SLCO1C1: variants seen among roughly 807,000 people sequenced by gnomAD.
SLCO1C1 encodes solute carrier organic anion transporter family member 1C1.
A neutral mutation model predicts 76.4 loss-of-function variants in SLCO1C1; 70 were observed. The observed-to-expected ratio is 0.92, with a 90% CI of 0.76 to 1.12. The LOEUF (loss-of-function observed/expected upper bound fraction) is 1.12, where lower values mean the gene tolerates loss of function less well. Among genes scored for constraint, SLCO1C1 ranks in the 50% most tolerant of loss-of-function variants. The probability of loss-of-function intolerance (pLI) is 0.00; values close to 1 mark genes in which losing one functional copy is unlikely to be tolerated. For missense variants in SLCO1C1, 912 were observed against 823.8 expected (o/e 1.11, Z -1.31); for synonymous variants, 306 against 286.1 (o/e 1.07, Z -0.70).
At chr12:20,737,471 G>A (rs899230215) in intron 11 of SLCO1C1, among the ~76,000 whole-genome samples, 199 bp downstream of exon 11, 1 of 152,154 alleles carries the variant, frequency 6.6e-6, no homozygotes, top group Admixed American at 6.5e-5. Flanking sequence ...GTGAGAATTA[G>A]AGTCATCAAA....
In SLCO1C1 at chr12:20,730,456, A is replaced by G. The variant is rs1480352871; in HGVS notation, c.1187-2453A>G. Among the ~76,000 whole-genome samples, 10 of 152,308 alleles carry G rather than the reference A, an allele frequency of 6.6e-5. No homozygotes were observed. In the East Asian group the frequency reaches 1.7e-3, roughly 26 times the overall value. ...AAAAAATCAGAAAATTTAGGAAAAAATATTAACATTAATTAAGTTGGGTCC... is the reference window on the plus strand; with the variant it reads ...AAAAAATCAGAAAATTTAGGAAAAAGTATTAACATTAATTAAGTTGGGTCC... On this transcript the variant is annotated intron_variant, in intron 9 of 14. Transcript: ENST00000266509.
chr12:20,728,370 G>T (rs954014572), intron 9 of SLCO1C1, among the ~76,000 whole-genome samples: 2 of 151,976 alleles, frequency 1.3e-5, no homozygotes, highest in African/African-American at 4.8e-5. Context: ...TAAATATTAA[G>T]TTACATACAA....
intron 12 of SLCO1C1, 85 bp downstream of exon 12, chr12:20,740,453 A>G (rs778213855): frequency 8.1e-7 from 1 of 1,231,212 alleles, no homozygotes; most frequent in Non-Finnish European, 1.1e-6. Context: ...TGTGGAGTCT[A>G]TGATTCCTCT....
At chr12:20,712,446 T>A (rs796791898) in intron 5 of SLCO1C1, among the ~76,000 whole-genome samples, 25 of 152,276 alleles carry the variant, frequency 1.6e-4, no homozygotes, top group African/African-American at 5.5e-4. Flanking sequence ...CATGAATTTG[T>A]CCATAGGTGT....
chr12:20,715,018 G>A (rs1394268845), intron 5 of SLCO1C1, 121 bp from the exon 6 acceptor site: 2 of 1,202,602 alleles, frequency 1.7e-6, no homozygotes, highest in African/African-American at 3.0e-5. Flanking sequence ...ATCAAATTAA[G>A]ACTATTGCAC....
intron 5 of SLCO1C1, 33 bp from the exon 6 acceptor site, chr12:20,715,106 A>C: frequency 6.2e-7 from 1 of 1,612,892 alleles, no homozygotes; most frequent in Non-Finnish European, 8.5e-7. Context: ...AAAGTGATCT[A>C]TTTTCAATCC....
Position 20,708,097 on chromosome 12 carries a change from C to T in SLCO1C1, c.404+2016C>T, listed in dbSNP as rs551956423. On this transcript the variant is annotated intron_variant, in intron 4 of 14. Transcript: ENST00000266509. Reference sequence around the variant, plus strand: ...TCACTCTAGTTTCTTTCCACCTTTACACAACATTAGTAACTAATTGGGTAC... The same window carrying T: ...TCACTCTAGTTTCTTTCCACCTTTATACAACATTAGTAACTAATTGGGTAC... Among the ~76,000 whole-genome samples the T allele has an allele frequency of 1.7e-4, 26 of 152,292 alleles. 1 individual carries two copies. The South Asian group carries it at 4.4e-3, about 25-fold the overall frequency.
intron 9 of SLCO1C1, among the ~76,000 whole-genome samples, chr12:20,731,726 A>G (rs938168412): frequency 3.3e-5 from 5 of 152,244 alleles, no homozygotes; most frequent in Non-Finnish European, 5.9e-5. Flanking sequence ...GTTCTTCTTT[A>G]GAGTTACAAT....
rs143008920 is a variant in SLCO1C1 at position 20,747,667 on chromosome 12, AT to A, written c.1799-3002del. 4.9e-3 allele frequency among the ~76,000 whole-genome samples: 748 copies of A among 152,234 alleles called. 4 individuals carry two copies. Among genetic ancestry groups the A allele is most frequent in the African/African-American group, 0.017 (689 of 41,532 alleles). Reference sequence around the variant, plus strand: ...TAATGTAAAATTGGTTATCACCTGGATTTTTTAAGTGGTAAATCATATATTT... The same window carrying A: ...TAATGTAAAATTGGTTATCACCTGGATTTTTAAGTGGTAAATCATATATTT... On this transcript the variant is annotated intron_variant, in intron 13 of 14. Transcript: ENST00000266509.
chr12:20,734,368 T>C (rs1948448247), intron 10 of SLCO1C1, among the ~76,000 whole-genome samples: 1 of 152,170 alleles, frequency 6.6e-6, no homozygotes, highest in East Asian at 1.9e-4. Context: ...GTCAGTGATA[T>C]GGATTAAGAA....
At chr12:20,740,783 T>TTTTATATATATATA (rs1948768703) in intron 12 of SLCO1C1, among the ~76,000 whole-genome samples, 3 of 53,994 alleles carry the variant, frequency 5.6e-5, no homozygotes, top group Non-Finnish European at 9.1e-5. Context: ...AGAATTTATT[T>TTTTATATATATATA]TATTTATATA....
intron 4 of SLCO1C1, 140 bp from the exon 5 acceptor site, chr12:20,711,246 C>A: frequency 2.2e-6 from 2 of 928,166 alleles, no homozygotes; most frequent in Non-Finnish European, 3.1e-6. Flanking sequence ...TGCTGTTAAA[C>A]ACTGGCTTGA....
At chr12:20,717,676 T>C (rs1162354440) in intron 7 of SLCO1C1, among the ~76,000 whole-genome samples, 3 of 116,656 alleles carry the variant, frequency 2.6e-5, no homozygotes, top group African/African-American at 1.1e-4. Flanking sequence ...TTTTTTTTTT[T>C]TTTTTTTTTT....
intron 3 of SLCO1C1, among the ~76,000 whole-genome samples, chr12:20,703,357 G>A (rs778530396): frequency 2.0e-5 from 3 of 151,776 alleles, no homozygotes; most frequent in Admixed American, 1.3e-4. Flanking sequence ...TGGACAAATT[G>A]TCTAAAACAA....
At chr12:20,706,160 C>A in intron 4 of SLCO1C1, 79 bp downstream of exon 4, 1 of 1,465,100 alleles carries the variant, frequency 6.8e-7, no homozygotes. Flanking sequence ...ATTAATTATG[C>A]AAATTTAAGC....
intron 1 of SLCO1C1, 37 bp from the exon 2 acceptor site, chr12:20,699,515 A>G (rs1946419701): frequency 6.8e-7 from 1 of 1,471,822 alleles, no homozygotes; most frequent in Non-Finnish European, 9.1e-7. Flanking sequence ...ATTGCGTAGT[A>G]TTTATTTATT....
At position 20,739,398 on chromosome 12, in the gene SLCO1C1, GT is replaced by G. The variant is rs796285191; in HGVS notation, c.1549-775del. On this transcript the variant is annotated intron_variant, in intron 11 of 14. Transcript: ENST00000266509. ...GGAGAGATGGGAGTTGTTTTTTTTT[GT>G]TTTTTTTTTTAAATGGATAGTCATA... Among the ~76,000 whole-genome samples, 48 of 140,592 alleles carry G rather than the reference GT, an allele frequency of 3.4e-4. No homozygotes were observed. In the East Asian group the frequency reaches 3.5e-3, roughly 10 times the overall value. The allele number at this position is 140,592 out of a possible 152,430, so 92.2% of individuals were successfully genotyped here. A position where few individuals can be genotyped will look rare whatever the true frequency, so the allele number is the denominator to read the frequency against.
At chr12:20,743,510 A>G in intron 13 of SLCO1C1, 141 bp downstream of exon 13, 1 of 564,744 alleles carries the variant, frequency 1.8e-6, no homozygotes, top group Non-Finnish European at 3.1e-6. Flanking sequence ...TCCTTTCTTC[A>G]TTTCTTTGTT....
chr12:20,713,439 G>A (rs1947228060), intron 5 of SLCO1C1, among the ~76,000 whole-genome samples: 1 of 152,208 alleles, frequency 6.6e-6, no homozygotes, highest in Non-Finnish European at 1.5e-5. Context: ...ATGTAAAAAG[G>A]TGAAAGGTGA....
Sources: gnomAD v4.1 joint callset for allele counts (sites outside exome capture counted in the v4.1 genomes callset) on GRCh38, gnomAD v4.1.1 for gene constraint, MANE v1.5 for transcripts, NCBI Gene and HGNC (gene_info 2026-07-23, HGNC 2026-07-21) for gene names.